The following KCNIP1 variants were observed in gnomAD, a reference collection of about 807,000 sequenced individuals.
KCNIP1 encodes potassium voltage-gated channel interacting protein 1.
KCNIP1 carries 18 observed loss-of-function variants against 33.0 expected under a neutral mutation model. The ratio of observed to expected loss-of-function variants is 0.55; its 90% CI spans 0.38 to 0.81. The LOEUF (loss-of-function observed/expected upper bound fraction) is 0.81, where lower values mean the gene tolerates loss of function less well. Among genes scored for constraint, KCNIP1 ranks in the 30% least tolerant of loss-of-function variants. KCNIP1 has a pLI of 0.00. For synonymous variants in KCNIP1, 93 were observed against 98.3 expected (o/e 0.95, Z 0.32); for missense variants, 238 against 271.6 (o/e 0.88, Z 0.87).
intron 1 of KCNIP1, among the ~76,000 whole-genome samples, chr5:170,491,141 TCC>T (rs1757195785): frequency 6.6e-6 from 1 of 152,042 alleles, no homozygotes; most frequent in Admixed American, 6.6e-5. Flanking sequence ...AGTCCGGACC[TCC>T]CCTCCCTCTG....
chr5:170,603,236 T>C (rs1357407544), intron 1 of KCNIP1, among the ~76,000 whole-genome samples: 2 of 152,240 alleles, frequency 1.3e-5, no homozygotes, highest in African/African-American at 4.8e-5. Flanking sequence ...GGAAGTAATT[T>C]ACAGGAATTC....
In KCNIP1 at chr5:170,534,504, GAGGAGAAGGAGAAGA is replaced by G. The variant is rs1172217525; in HGVS notation, c.61+29883_61+29897del. ...GGAGGAGGAGGAGGAGGAGGAGAAG[GAGGAGAAGGAGAAGA>G]AGGAGAAGGAGGTGGCAGAGCTACA... On this transcript the variant is annotated intron_variant, in intron 1 of 7. Coordinates refer to ENST00000328939, the MANE Select transcript of KCNIP1 (RefSeq NM_014592.4). Among the ~76,000 whole-genome samples the G allele has an allele frequency of 7.0e-3, 629 of 90,016 alleles. 7 individuals carry two copies. Among genetic ancestry groups the G allele is most frequent in the African/African-American group, 0.047 (595 of 12,602 alleles). 59.1% of individuals were successfully genotyped at this position (90,016 alleles called of 152,430 possible).
At chr5:170,445,486 C>T (rs1756091920) in intron 1 of KCNIP1, among the ~76,000 whole-genome samples, 1 of 152,224 alleles carries the variant, frequency 6.6e-6, no homozygotes, top group Non-Finnish European at 1.5e-5. Flanking sequence ...TTACAAAGCA[C>T]TTTGCTGGTA....
chr5:170,423,598 A>T lies in KCNIP1; in HGVS notation c.88+69634A>T, dbSNP rs1755545047. Reference sequence around the variant, plus strand: ...CCAAAAACCCCACTTGGCCCAGAAGAGCAAAGATTAAAAGCCAGCCTCGAG... The same window carrying T: ...CCAAAAACCCCACTTGGCCCAGAAGTGCAAAGATTAAAAGCCAGCCTCGAG... On this transcript the variant is annotated intron_variant, in intron 1 of 7. Coordinates refer to the KCNIP1 transcript ENST00000377360. Among the ~76,000 whole-genome samples, 3 of 152,210 alleles carry T rather than the reference A, an allele frequency of 2.0e-5. No homozygotes were observed. The South Asian group carries it at 6.2e-4, about 31-fold the overall frequency.
At chr5:170,676,846 A>G (rs1019701573) in intron 1 of KCNIP1, among the ~76,000 whole-genome samples, 1 of 152,218 alleles carries the variant, frequency 6.6e-6, no homozygotes, top group African/African-American at 2.4e-5. Flanking sequence ...ATTGCATTTG[A>G]TTTTGTGACT....
chr5:170,720,742 G>A (rs1763792000), intron 3 of KCNIP1, among the ~76,000 whole-genome samples: 1 of 152,230 alleles, frequency 6.6e-6, no homozygotes, highest in Non-Finnish European at 1.5e-5. Flanking sequence ...ACCAGGATTA[G>A]ATTCCATAAG....
At chr5:170,378,696 G>A (rs752271378) in intron 1 of KCNIP1, 1 of 1,602,862 alleles carries the variant, frequency 6.2e-7, no homozygotes, top group South Asian at 1.1e-5. Flanking sequence ...TGGCATGGAT[G>A]GATGGCTCTA....
At chr5:170,582,499 A>C (rs914040636) in intron 1 of KCNIP1, among the ~76,000 whole-genome samples, 2 of 152,204 alleles carry the variant, frequency 1.3e-5, no homozygotes, top group Admixed American at 6.5e-5. Context: ...CCTTCTCTCT[A>C]TGTTAGAACC....
At chr5:170,547,605 A>G (rs1453983869) in intron 1 of KCNIP1, among the ~76,000 whole-genome samples, 9 of 152,296 alleles carry the variant, frequency 5.9e-5, no homozygotes, top group Admixed American at 1.3e-4. Flanking sequence ...GCTCACACTT[A>G]TAAGTGAGAA....
intron 1 of KCNIP1, among the ~76,000 whole-genome samples, chr5:170,573,796 G>A (rs972937413): frequency 6.6e-5 from 10 of 152,224 alleles, no homozygotes; most frequent in African/African-American, 2.4e-4. Flanking sequence ...TGAGTCATTG[G>A]AACAGAGACC....
intron 1 of KCNIP1, among the ~76,000 whole-genome samples, chr5:170,692,615 T>C (rs1044197042): frequency 6.6e-6 from 1 of 152,226 alleles, no homozygotes; most frequent in African/African-American, 2.4e-5. Context: ...ACTTAGCTTG[T>C]CTAATGACAA....
chr5:170,627,646 G>C (rs1272795781), intron 1 of KCNIP1, among the ~76,000 whole-genome samples: 2 of 152,274 alleles, frequency 1.3e-5, no homozygotes, highest in Non-Finnish European at 2.9e-5. Flanking sequence ...CACAATGGCT[G>C]TTTGGCTTGA....
intron 1 of KCNIP1, among the ~76,000 whole-genome samples, chr5:170,548,495 A>G (rs574133811): frequency 6.6e-6 from 1 of 152,376 alleles, no homozygotes; most frequent in East Asian, 1.9e-4. Context: ...AAGAGAGGTA[A>G]CAACCCAAGT....
At chr5:170,607,671 T>G (rs1297639514) in intron 1 of KCNIP1, among the ~76,000 whole-genome samples, 2 of 152,206 alleles carry the variant, frequency 1.3e-5, no homozygotes, top group African/African-American at 4.8e-5. Flanking sequence ...CAGTGGCTGT[T>G]TCAAGGAGGG....
intron 1 of KCNIP1, among the ~76,000 whole-genome samples, chr5:170,434,992 G>A (rs893941164): frequency 6.6e-5 from 10 of 152,276 alleles, no homozygotes; most frequent in Admixed American, 6.5e-4. Context: ...GGAAGGGAAC[G>A]CCCAGCTCTC....
chr5:170,656,009 G>C (rs1018283509), intron 1 of KCNIP1, among the ~76,000 whole-genome samples: 2 of 152,180 alleles, frequency 1.3e-5, no homozygotes, highest in African/African-American at 4.8e-5. Flanking sequence ...GACAAAACAG[G>C]CTGGGTACTG....
Position 170,589,851 on chromosome 5 carries a change from C to G in KCNIP1, c.61+85218C>G, listed in dbSNP as rs184526706. Among the ~76,000 whole-genome samples, 221 of 140,142 alleles carry G rather than the reference C, an allele frequency of 1.6e-3. 1 individual carries two copies. The highest frequency in any genetic ancestry group is 5.2e-3 in the African/African-American group (208 of 40,012). 91.9% of individuals were successfully genotyped at this position (140,142 alleles called of 152,430 possible). ...TATGGGTTGAGGCTGGCCTTAGGAG[C>G]CTGTTGGCCTTCCAGGCCAGTCCTG... On this transcript the variant is annotated intron_variant, in intron 1 of 7. Coordinates refer to ENST00000328939, the MANE Select transcript of KCNIP1 (RefSeq NM_014592.4).
intron 1 of KCNIP1, among the ~76,000 whole-genome samples, chr5:170,396,666 A>C (rs1023925460): frequency 7.9e-5 from 12 of 152,250 alleles, no homozygotes; most frequent in African/African-American, 2.9e-4. Context: ...TGGTTGAAAT[A>C]ATTAAGTTTT....
At chr5:170,359,486 C>T (rs772343708) in intron 1 of KCNIP1, among the ~76,000 whole-genome samples, 6 of 152,118 alleles carry the variant, frequency 3.9e-5, no homozygotes, top group Non-Finnish European at 7.4e-5. Flanking sequence ...CCCCACCATC[C>T]GAGTCCTGGC....
Sources: gnomAD v4.1 joint callset for allele counts (sites outside exome capture counted in the v4.1 genomes callset) on GRCh38, gnomAD v4.1.1 for gene constraint, MANE v1.5 for transcripts, NCBI Gene and HGNC (gene_info 2026-07-23, HGNC 2026-07-21) for gene names.